The following PALB2 variants were observed in gnomAD, a reference collection of about 807,000 sequenced individuals.
The protein encoded by PALB2 is partner and localizer of BRCA2.
In PALB2, 82 loss-of-function variants were observed where a neutral mutation model predicts 107.4. The ratio of observed to expected loss-of-function variants is 0.76; its 90% CI spans 0.64 to 0.92. The LOEUF (loss-of-function observed/expected upper bound fraction) is 0.92. Ranked by LOEUF, PALB2 falls within the 40% of genes least tolerant of loss-of-function variation. The probability of loss-of-function intolerance (pLI) is 0.00; values close to 1 mark genes in which losing one functional copy is unlikely to be tolerated. For synonymous variants in PALB2, 489 were observed against 496.8 expected, an observed-to-expected ratio of 0.98 and a Z score of 0.21; for missense variants, 1,374 against 1,379.9, an observed-to-expected ratio of 1.00 and a Z score of 0.07.
At position 23,621,364 on chromosome 16, in the gene PALB2, A is replaced by G. The variant is rs876660903; in HGVS notation, c.3111T>C (p.Ile1037=). The change falls in exon 10 of 13, where the codon ATT becomes ATC. Residue 1037 remains isoleucine (I), a splice_region_variant and synonymous_variant. Coordinates refer to ENST00000261584, the MANE Select transcript of PALB2 (RefSeq NM_024675.4). The part of the protein sequence containing the change: ...LGTTIMNNIV[I]WNLKTGQLLK... ...GAGGACCTAGAGGGAAAGCTTACCAAATAACAATGTTGTTCATAATAGTAG... is the reference window on the plus strand; with the variant it reads ...GAGGACCTAGAGGGAAAGCTTACCAGATAACAATGTTGTTCATAATAGTAG... The G allele has an allele frequency of 1.2e-6, 2 of 1,605,040 alleles. No homozygotes were observed. Among genetic ancestry groups the G allele is most frequent in the Non-Finnish European group, 1.7e-6 (2 of 1,171,796 alleles).
At chr16:23,640,460 C>G (rs1967196441) in intron 1 of PALB2, 1 of 207,408 alleles carries the variant, frequency 4.8e-6, no homozygotes, top group Non-Finnish European at 9.8e-6. Context: ...GCCGAGATCG[C>G]GCCACTGCAC....
At chr16:23,625,495 G>A (rs1353649847) in intron 7 of PALB2, among the ~76,000 whole-genome samples, 4 of 151,730 alleles carry the variant, frequency 2.6e-5, no homozygotes, top group Non-Finnish European at 5.9e-5. Flanking sequence ...GCAAAACCCT[G>A]TCTGCATAAA....
At position 23,624,079 on chromosome 16, in the gene PALB2, T is replaced by A. The variant is rs1555459736; in HGVS notation, c.2764A>T (p.Ile922Leu). The A allele has an allele frequency of 6.2e-7, 1 of 1,606,674 alleles. No individual in the cohort carries two copies. Among genetic ancestry groups the A allele is most frequent in the Non-Finnish European group, 8.5e-7 (1 of 1,173,466 alleles). Reference sequence around the variant, plus strand: ...TTATACACATCAGGCACTGGAACTATCTGTAATACTGGAACCTAAATAAAA... The same window carrying A: ...TTATACACATCAGGCACTGGAACTAACTGTAATACTGGAACCTAAATAAAA... ...WHFAEVPVLQ[I>L]VPVPDVYNLV... Residue 922 changes from isoleucine (I) to leucine (L), a missense_variant, in exon 8 of 13, where the codon ATA (isoleucine) becomes TTA (leucine). By Grantham distance (5) the Ile-to-Leu change is conservative. Coordinates refer to ENST00000261584, the MANE Select transcript of PALB2 (RefSeq NM_024675.4).
chr16:23,636,356 A>G (rs997530704), intron 3 of PALB2, 22 bp from the exon 4 acceptor site: 5 of 1,466,106 alleles, frequency 3.4e-6, no homozygotes, highest in Non-Finnish European at 3.7e-6. Flanking sequence ...AAAAATGTAT[A>G]TAACTTATAT....
Position 23,615,941 on chromosome 16 carries a change from G to A in PALB2, c.3114-1850C>T, listed in dbSNP as rs192789821. On this transcript the variant is annotated intron_variant, in intron 10 of 12. Transcript: ENST00000261584. ...GGCCTCCCAAAGTGCTGGAATTACA[G>A]GCGTGAGCCACCGCGCCCGGTGGTA... Among the ~76,000 whole-genome samples, 81 of 152,298 alleles carry A rather than the reference G, an allele frequency of 5.3e-4. 1 individual carries two copies. In the East Asian group the frequency reaches 9.8e-3, roughly 18 times the overall value.
chr16:23,605,070 T>C (rs1966445265), intron 12 of PALB2, among the ~76,000 whole-genome samples: 1 of 151,616 alleles, frequency 6.6e-6, no homozygotes, highest in Non-Finnish European at 1.5e-5. Context: ...AGAAACTCCG[T>C]CTCAAAAAAA....
At position 23,603,600 on chromosome 16, in the gene PALB2, C is replaced by T. The variant is rs878855118; in HGVS notation, c.3420G>A (p.Trp1140Ter). The change falls in exon 13 of 13, where the codon TGG becomes TGA. Residue 1140 changes from tryptophan to a stop codon, truncating the protein, a stop_gained. Coordinates refer to ENST00000261584, the MANE Select transcript of PALB2 (RefSeq NM_024675.4). LOFTEE classifies it high-confidence loss of function. ...AILTSGTIAI[W>*]DLLLGQCTAL... ...CAGTACACTGACCGAGAAGTAAGTCCCAAATGGCAATTGTTCCAGAAGTCA... is the reference window on the plus strand; with the variant it reads ...CAGTACACTGACCGAGAAGTAAGTCTCAAATGGCAATTGTTCCAGAAGTCA... The T allele has an allele frequency of 6.2e-7, 1 of 1,613,968 alleles. No individual in the cohort carries two copies.
intron 6 of PALB2, among the ~76,000 whole-genome samples, chr16:23,627,926 G>A (rs1966849706): frequency 6.6e-6 from 1 of 152,124 alleles, no homozygotes; most frequent in Non-Finnish European, 1.5e-5. Context: ...TTCTTTAAGA[G>A]ACTAAGTTAT....
intron 4 of PALB2, among the ~76,000 whole-genome samples, chr16:23,633,333 C>T (rs1261658595): frequency 6.6e-6 from 1 of 152,116 alleles, no homozygotes; most frequent in African/African-American, 2.4e-5. Flanking sequence ...CTGTAAAGTG[C>T]ATATAAAGGT....
At chr16:23,608,834 AT>A (rs1183966592) in intron 11 of PALB2, among the ~76,000 whole-genome samples, 118 of 140,796 alleles carry the variant, frequency 8.4e-4, no homozygotes, top group East Asian at 3.4e-3. Flanking sequence ...ATATATACAG[AT>A]TTTTTTTTTT....
rs1966508734 is a variant in PALB2, at chr16:23,607,928, T to TCATTAAC, written c.3285_3286insGTTAATG (p.Asn1096ValfsTer5). The TCATTAAC allele has an allele frequency of 2.5e-6, 4 of 1,614,052 alleles. No individual in the cohort carries two copies. The highest frequency in any genetic ancestry group is 2.7e-5 in the African/African-American group (2 of 74,904). ...CCCACGCTGAGAGTCGTCTTAGGGT[T>TCATTAAC]AATCACAATGAGCTGAAACACAGGG... On this transcript the variant is annotated frameshift_variant, in exon 12 of 13. Transcript: ENST00000261584. LOFTEE classifies it high-confidence loss of function.
chr16:23,620,848 A>C (rs1454388953), intron 10 of PALB2, among the ~76,000 whole-genome samples: 1 of 152,178 alleles, frequency 6.6e-6, no homozygotes, highest in East Asian at 1.9e-4. Flanking sequence ...CAAGGCGGGC[A>C]GTTCACTTGA....
At chr16:23,606,909 C>T (rs1966487448) in intron 12 of PALB2, among the ~76,000 whole-genome samples, 1 of 150,190 alleles carries the variant, frequency 6.7e-6, no homozygotes, top group South Asian at 2.1e-4. Flanking sequence ...GCAACCTCTG[C>T]CTCCCAGGTT....
intron 7 of PALB2, 122 bp downstream of exon 7, chr16:23,626,114 G>GA (rs1259120465): frequency 1.2e-5 from 14 of 1,162,108 alleles, no homozygotes; most frequent in African/African-American, 1.5e-5. Flanking sequence ...AAAATGTTGG[G>GA]AAAAAAACCT....
At chr16:23,631,748 A>G (rs1263966177) in intron 4 of PALB2, among the ~76,000 whole-genome samples, 3 of 152,170 alleles carry the variant, frequency 2.0e-5, no homozygotes, top group Non-Finnish European at 4.4e-5. Context: ...TAAAACTGTG[A>G]TTTCAACAGG....
At chr16:23,606,789 C>T (rs1966483843) in intron 12 of PALB2, among the ~76,000 whole-genome samples, 1 of 145,634 alleles carries the variant, frequency 6.9e-6, no homozygotes, top group Admixed American at 7.0e-5. Context: ...TCCCAAAGTG[C>T]TGGGATTACA....
At chr16:23,623,609 G>A (rs1482239303) in intron 8 of PALB2, among the ~76,000 whole-genome samples, 1 of 147,540 alleles carries the variant, frequency 6.8e-6, no homozygotes, top group South Asian at 2.1e-4. Flanking sequence ...TGTTTCCCGG[G>A]TTCAGGCAAT....
At position 23,639,367 on chromosome 16, in the gene PALB2, T is replaced by C. The variant is rs535359957; in HGVS notation, c.49-1238A>G. On this transcript the variant is annotated intron_variant, in intron 1 of 12. Transcript: ENST00000261584. ...GGCCAACATGGTGAAATCCTGCTTCTACTAAAGATACAAAAATGAGCCGGG... is the reference window on the plus strand; with the variant it reads ...GGCCAACATGGTGAAATCCTGCTTCCACTAAAGATACAAAAATGAGCCGGG... 7.9e-5 allele frequency among the ~76,000 whole-genome samples: 12 copies of C among 152,054 alleles called. No homozygotes were observed. The East Asian group carries it at 2.1e-3, about 27-fold the overall frequency.
chr16:23,614,949 CTT>C (rs1288431746), intron 10 of PALB2, among the ~76,000 whole-genome samples: 8 of 104,712 alleles, frequency 7.6e-5, no homozygotes, highest in Admixed American at 2.1e-4. Flanking sequence ...CGCGCCTGGC[CTT>C]TTTTTTTTTT....
Sources: gnomAD v4.1 joint callset for allele counts (sites outside exome capture counted in the v4.1 genomes callset) on GRCh38, gnomAD v4.1.1 for gene constraint, MANE v1.5 for transcripts, NCBI Gene and HGNC (gene_info 2026-07-23, HGNC 2026-07-21) for gene names.